The following CTNNA3 variants were observed in gnomAD, a reference collection of about 807,000 sequenced individuals.
CTNNA3 encodes the protein catenin alpha 3.
Under a neutral mutation model 95.7 loss-of-function variants are expected in CTNNA3, and 76 were observed. The ratio of observed to expected loss-of-function variants is 0.79; its 90% CI spans 0.66 to 0.96. The LOEUF (loss-of-function observed/expected upper bound fraction) is 0.96. Among genes scored for constraint, CTNNA3 ranks in the 40% least tolerant of loss-of-function variants. The pLI is 0.00. For synonymous variants in CTNNA3, 431 were observed against 374.4 expected (o/e 1.15, Z -1.74); for missense variants, 1,191 against 1,089.8 (o/e 1.09, Z -1.31).
intron 7 of CTNNA3, among the ~76,000 whole-genome samples, chr10:66,896,836 G>T (rs563767573): frequency 6.6e-6 from 1 of 152,224 alleles, no homozygotes; most frequent in Non-Finnish European, 1.5e-5. Flanking sequence ...TGACCATTCT[G>T]TAGGAGTCGG....
chr10:66,972,171 T>G (rs1849758250), intron 7 of CTNNA3, among the ~76,000 whole-genome samples: 1 of 152,172 alleles, frequency 6.6e-6, no homozygotes, highest in Non-Finnish European at 1.5e-5. Context: ...GTCAATTTAT[T>G]GTGGTTTTCC....
chr10:66,010,211 T>C (rs2078977849), intron 15 of CTNNA3, among the ~76,000 whole-genome samples: 1 of 152,162 alleles, frequency 6.6e-6, no homozygotes, highest in African/African-American at 2.4e-5. Flanking sequence ...CGATGTAGCC[T>C]CCTTTCCCTT....
Position 67,503,954 on chromosome 10 carries a change from A to G in CTNNA3, c.579+17888T>C, listed in dbSNP as rs569300061. On this transcript the variant is annotated intron_variant, in intron 5 of 17. Coordinates refer to ENST00000433211, the MANE Select transcript of CTNNA3 (RefSeq NM_013266.4). Reference sequence around the variant, plus strand: ...GGGCGGATCACAAGGTCAGGAGATCAAGACCATCCTGGCTAACATGGTGAA... The same window carrying G: ...GGGCGGATCACAAGGTCAGGAGATCGAGACCATCCTGGCTAACATGGTGAA... 6.8e-3 allele frequency among the ~76,000 whole-genome samples: 1,031 copies of G among 150,876 alleles called. 8 individuals carry two copies. Among genetic ancestry groups the G allele is most frequent in the Admixed American group, 0.012 (178 of 15,148 alleles).
At chr10:66,066,765 T>C (rs1014386457) in intron 15 of CTNNA3, among the ~76,000 whole-genome samples, 3 of 152,184 alleles carry the variant, frequency 2.0e-5, no homozygotes, top group Non-Finnish European at 4.4e-5. Context: ...CTGAATTATA[T>C]TGTAAAGAGT....
intron 11 of CTNNA3, among the ~76,000 whole-genome samples, chr10:66,385,726 C>T (rs959959397): frequency 6.6e-6 from 1 of 152,136 alleles, no homozygotes; most frequent in African/African-American, 2.4e-5. Flanking sequence ...AGCAGCACAT[C>T]AAAAAGCTCA....
intron 11 of CTNNA3, among the ~76,000 whole-genome samples, chr10:66,449,196 C>G (rs10762069): frequency 0.38 from 57,895 of 151,574 alleles, 11,573 homozygotes; most frequent in African/African-American, 0.5. Flanking sequence ...ACATAAATTA[C>G]AAAGTAAAGG....
At chr10:66,914,031 G>A (rs1364740560) in intron 7 of CTNNA3, among the ~76,000 whole-genome samples, 1 of 152,096 alleles carries the variant, frequency 6.6e-6, no homozygotes, top group Non-Finnish European at 1.5e-5. Context: ...GGGTGTGTGG[G>A]GAGTGGAGTC....
chr10:66,894,029 T>A (rs183023720), intron 7 of CTNNA3, among the ~76,000 whole-genome samples: 2 of 152,174 alleles, frequency 1.3e-5, no homozygotes, highest in East Asian at 3.9e-4. Flanking sequence ...GAATAAATCA[T>A]AACAGAAAGA....
intron 7 of CTNNA3, among the ~76,000 whole-genome samples, chr10:66,815,313 C>T (rs188000832): frequency 6.6e-6 from 1 of 152,134 alleles, no homozygotes; most frequent in Non-Finnish European, 1.5e-5. Flanking sequence ...TTTTCCTATT[C>T]CCATCCCCTC....
chr10:67,502,080 T>C (rs1487395638), intron 5 of CTNNA3, among the ~76,000 whole-genome samples: 1 of 152,182 alleles, frequency 6.6e-6, no homozygotes, highest in Non-Finnish European at 1.5e-5. Context: ...TTTGTGCTGG[T>C]TTTTTCCTCA....
intron 11 of CTNNA3, among the ~76,000 whole-genome samples, chr10:66,496,698 G>T (rs1840110454): frequency 6.6e-6 from 1 of 152,138 alleles, no homozygotes; most frequent in African/African-American, 2.4e-5. Context: ...AGTTGACAGT[G>T]AACACACGAC....
At chr10:66,731,016 C>T (rs1458170877) in intron 9 of CTNNA3, among the ~76,000 whole-genome samples, 2 of 152,134 alleles carry the variant, frequency 1.3e-5, no homozygotes, top group East Asian at 1.9e-4. Flanking sequence ...TATGTGACAA[C>T]ATTTCTTTTG....
intron 7 of CTNNA3, among the ~76,000 whole-genome samples, chr10:67,069,629 A>G (rs1303096888): frequency 6.8e-6 from 1 of 146,056 alleles, no homozygotes; most frequent in Admixed American, 7.0e-5. Flanking sequence ...AAATACATAG[A>G]TTAGTTCTGT....
intron 6 of CTNNA3, among the ~76,000 whole-genome samples, chr10:67,185,566 ATTAT>A (rs1170130622): frequency 6.6e-6 from 1 of 152,162 alleles, no homozygotes. Flanking sequence ...CCCAGTAGAT[ATTAT>A]TTTTGATGAA....
intron 5 of CTNNA3, among the ~76,000 whole-genome samples, chr10:67,472,590 T>C (rs1564674174): frequency 6.6e-6 from 1 of 152,158 alleles, no homozygotes; most frequent in Non-Finnish European, 1.5e-5. Flanking sequence ...AAACCACCGT[T>C]CTGGGAGCTC....
chr10:67,653,421 T>G (rs777616884), intron 1 of CTNNA3, among the ~76,000 whole-genome samples: 1 of 152,166 alleles, frequency 6.6e-6, no homozygotes, highest in African/African-American at 2.4e-5. Context: ...TAATTCATAT[T>G]CTTTCAAATT....
intron 9 of CTNNA3, among the ~76,000 whole-genome samples, chr10:66,738,404 AT>A (rs1288685717): frequency 6.6e-6 from 1 of 152,088 alleles, no homozygotes; most frequent in African/African-American, 2.4e-5. Flanking sequence ...CTCATCCCAT[AT>A]TTTTTATGCT....
intron 7 of CTNNA3, among the ~76,000 whole-genome samples, chr10:66,847,460 TA>T (rs1843322561): frequency 6.6e-6 from 1 of 152,220 alleles, no homozygotes; most frequent in Admixed American, 6.5e-5. Flanking sequence ...ATATAAATGC[TA>T]AAAGTATAGC....
At chr10:67,424,628 C>G (rs1845852707) in intron 5 of CTNNA3, among the ~76,000 whole-genome samples, 1 of 152,004 alleles carries the variant, frequency 6.6e-6, no homozygotes, top group African/African-American at 2.4e-5. Context: ...TATTTTGAGG[C>G]AAACAATTTC....
Sources: gnomAD v4.1 joint callset for allele counts (sites outside exome capture counted in the v4.1 genomes callset) on GRCh38, gnomAD v4.1.1 for gene constraint, MANE v1.5 for transcripts, NCBI Gene and HGNC (gene_info 2026-07-23, HGNC 2026-07-21) for gene names.